Variants in BEND7 observed in about 807,000 individuals in gnomAD.
BEND7 encodes the protein BEN domain containing 7, also known as BEN domain-containing protein 7.
BEND7 carries 28 observed loss-of-function variants against 50.9 expected under a neutral mutation model. The ratio of observed to expected loss-of-function variants is 0.55; its 90% CI spans 0.41 to 0.75. The LOEUF (loss-of-function observed/expected upper bound fraction) is 0.75, where lower values mean the gene tolerates loss of function less well. Ranked by LOEUF, BEND7 falls within the 30% of genes least tolerant of loss-of-function variation. The pLI is 0.00. For synonymous variants in BEND7, 170 were observed against 183.9 expected (o/e 0.92, Z 0.61); for missense variants, 477 against 491.3 (o/e 0.97, Z 0.28).
At chr10:13,488,419 C>T (rs1314728424) in intron 5 of BEND7, among the ~76,000 whole-genome samples, 1 of 152,126 alleles carries the variant, frequency 6.6e-6, no homozygotes, top group East Asian at 1.9e-4. Context: ...AAATTAACAA[C>T]TGTCTTCTCT....
intron 2 of BEND7, among the ~76,000 whole-genome samples, chr10:13,515,721 T>TCCTGGCATCTGTGA (rs1431858892): frequency 6.6e-6 from 1 of 152,206 alleles, no homozygotes; most frequent in Non-Finnish European, 1.5e-5. Flanking sequence ...TCCCCCTTCA[T>TCCTGGCATCTGTGA]CCTGGCATCT....
intron 5 of BEND7, among the ~76,000 whole-genome samples, chr10:13,481,797 T>C (rs2075880285): frequency 6.6e-6 from 1 of 152,252 alleles, no homozygotes; most frequent in Non-Finnish European, 1.5e-5. Flanking sequence ...AGATCACTCT[T>C]GGAAAACCAA....
intron 2 of BEND7, among the ~76,000 whole-genome samples, chr10:13,515,679 G>A (rs527270254): frequency 1.2e-4 from 18 of 152,282 alleles, no homozygotes; most frequent in African/African-American, 3.8e-4. Context: ...ATGGTCACGC[G>A]GCCAAAATGT....
intron 4 of BEND7, 59 bp from the exon 5 acceptor site, chr10:13,492,935 T>A (rs1564358038): frequency 6.4e-7 from 1 of 1,555,168 alleles, no homozygotes; most frequent in East Asian, 2.3e-5. Context: ...GGAAAACTTA[T>A]CTCCGGTCTA....
At chr10:13,522,464 C>G (rs1311639785) in intron 2 of BEND7, among the ~76,000 whole-genome samples, 2 of 152,178 alleles carry the variant, frequency 1.3e-5, no homozygotes, top group Admixed American at 6.5e-5. Flanking sequence ...TTATAGGAAT[C>G]ATTATATCTG....
At chr10:13,446,787 C>A (rs35375308) in intron 8 of BEND7, 14,407 of 177,980 alleles carry the variant, frequency 0.081, 642 homozygotes, top group Admixed American at 0.12. Context: ...CCACTCACGC[C>A]GGATGGCTGG....
chr10:13,522,452 C>A (rs1287701744), intron 2 of BEND7, among the ~76,000 whole-genome samples: 2 of 152,136 alleles, frequency 1.3e-5, no homozygotes, highest in African/African-American at 2.4e-5. Flanking sequence ...CGGTTCCCAT[C>A]ATTATAGGAA....
At chr10:13,509,886 CAGTT>C (rs748508903) in intron 2 of BEND7, among the ~76,000 whole-genome samples, 8 of 152,232 alleles carry the variant, frequency 5.3e-5, no homozygotes, top group Admixed American at 2.6e-4. Flanking sequence ...CGATAGGACA[CAGTT>C]AGAACTACTC....
intron 5 of BEND7, among the ~76,000 whole-genome samples, chr10:13,488,618 G>C (rs1479872233): frequency 6.6e-6 from 1 of 152,198 alleles, no homozygotes; most frequent in Non-Finnish European, 1.5e-5. Flanking sequence ...CTCCCAAGTA[G>C]CTGGGATTAC....
intron 6 of BEND7, 79 bp from the exon 7 acceptor site, chr10:13,452,737 AG>A: frequency 7.4e-7 from 1 of 1,344,694 alleles, no homozygotes; most frequent in Non-Finnish European, 1.0e-6. Flanking sequence ...TATTCTAAAA[AG>A]AAAAAAAAGT....
At chr10:13,498,713 T>G (rs2077216822) in intron 3 of BEND7, among the ~76,000 whole-genome samples, 2 of 152,228 alleles carry the variant, frequency 1.3e-5, no homozygotes, top group Non-Finnish European at 2.9e-5. Context: ...TTTCTAATTT[T>G]AAAGAGAACT....
At chr10:13,463,774 G>A (rs1161110935) in intron 6 of BEND7, among the ~76,000 whole-genome samples, 1 of 152,170 alleles carries the variant, frequency 6.6e-6, no homozygotes, top group Non-Finnish European at 1.5e-5. Context: ...GACATTGTAG[G>A]CAACGTCTTC....
intron 8 of BEND7, chr10:13,442,049 T>G: frequency 2.4e-6 from 1 of 409,540 alleles, no homozygotes; most frequent in East Asian, 4.3e-5. Flanking sequence ...CTCCTATCTC[T>G]AGGTTTAGCG....
intron 7 of BEND7, 112 bp from the exon 8 acceptor site, chr10:13,447,428 C>A: frequency 9.7e-7 from 1 of 1,031,128 alleles, no homozygotes; most frequent in Admixed American, 2.3e-5. Flanking sequence ...CTGTTTTCAC[C>A]ATTCTTTTCT....
At chr10:13,456,003 G>A (rs1043216821) in intron 6 of BEND7, among the ~76,000 whole-genome samples, 2 of 152,164 alleles carry the variant, frequency 1.3e-5, no homozygotes, top group African/African-American at 2.4e-5. Flanking sequence ...TTAGGACACG[G>A]GATGGTAGGG....
chr10:13,472,734 C>T (rs900040224), intron 6 of BEND7, among the ~76,000 whole-genome samples: 3 of 150,506 alleles, frequency 2.0e-5, no homozygotes, highest in African/African-American at 7.4e-5. Flanking sequence ...CTGTTACACT[C>T]AGGGCCAATA....
chr10:13,471,540 G>A (rs978085016), intron 6 of BEND7, among the ~76,000 whole-genome samples: 4 of 152,256 alleles, frequency 2.6e-5, no homozygotes, highest in Admixed American at 6.5e-5. Flanking sequence ...TTAGTGATCC[G>A]TAAGTGAGAT....
intron 2 of BEND7, among the ~76,000 whole-genome samples, chr10:13,504,502 TAA>T (rs895401948): frequency 6.8e-6 from 1 of 147,028 alleles, no homozygotes; most frequent in East Asian, 2.0e-4. Context: ...AGTTCTTTGA[TAA>T]AAAAAAAAAT....
chr10:13,508,222 C>T (rs1483598548), intron 2 of BEND7, among the ~76,000 whole-genome samples: 2 of 152,198 alleles, frequency 1.3e-5, no homozygotes, highest in African/African-American at 4.8e-5. Context: ...GCAGGGACAA[C>T]AGCCATGTTT....
Sources: allele counts gnomAD v4.1 joint callset (sites outside exome capture counted in the v4.1 genomes callset), GRCh38; gene constraint gnomAD v4.1.1; transcripts MANE v1.5; gene names NCBI Gene and HGNC (gene_info 2026-07-23, HGNC 2026-07-21).